The following ASMTL variants were observed in gnomAD, a reference collection of about 807,000 sequenced individuals.
ASMTL encodes the protein acetylserotonin O-methyltransferase like.
ASMTL carries 57 observed loss-of-function variants against 60.3 expected under a neutral mutation model. That is an observed-to-expected ratio of 0.95 (90% CI 0.76 to 1.18). The LOEUF is 1.18. ASMTL is among the 50% of genes most tolerant of loss of function. The pLI, the probability that ASMTL is intolerant of heterozygous loss-of-function variation, is 0.00. For missense variants in ASMTL, 981 were observed against 852.6 expected (o/e 1.15, Z -1.88); for synonymous variants, 419 against 373.0 (o/e 1.12, Z -1.42).
In ASMTL at chrX:1,427,815, A is replaced by G. The variant is rs1242614307; in HGVS notation, c.816T>C (p.Ala272=). ...AGEAGQATAE[A]ECHRTRETLP... is the part of the protein sequence containing the mutation. ...GGGTCTCCCGAGTCCTGTGACACTC[A>G]GCCTCTGCCGTGGCCTGTCCCGCCT... The change falls in exon 7 of 13, where the codon GCT becomes GCC. Residue 272 remains alanine, a synonymous_variant. Transcript: ENST00000381317. 3 of 1,612,588 alleles carry G rather than the reference A, an allele frequency of 1.9e-6. No homozygotes were observed. The African/African-American group carries it at 4.0e-5, about 22-fold the overall frequency.
chrX:1,410,269 C>G (rs1480526712), intron 12 of ASMTL, among the ~76,000 whole-genome samples: 1 of 72,320 alleles, frequency 1.4e-5, no homozygotes. Flanking sequence ...ACACTGCCCT[C>G]CAGCCAAATG....
chrX:1,437,693 C>A (rs1201230297), intron 3 of ASMTL, among the ~76,000 whole-genome samples: 3 of 151,094 alleles, frequency 2.0e-5, no homozygotes, highest in Non-Finnish European at 4.4e-5. Flanking sequence ...GTCAGGAGAT[C>A]GAGACCATCC....
At chrX:1,403,676 CAG>C (rs1305444267) in intron 12 of ASMTL, 187 bp from the exon 13 acceptor site, 20 of 608,478 alleles carry the variant, frequency 3.3e-5, no homozygotes, top group African/African-American at 2.8e-4. Flanking sequence ...GGCGGACAGA[CAG>C]GGAGAAGGAG....
At chrX:1,442,686 T>C (rs1286333555) in intron 1 of ASMTL, among the ~76,000 whole-genome samples, 5 of 152,086 alleles carry the variant, frequency 3.3e-5, no homozygotes, top group African/African-American at 1.2e-4. Flanking sequence ...CCCAGAGACC[T>C]GAAGGTTGGG....
At chrX:1,417,333 A>C (rs2090324886) in intron 11 of ASMTL, among the ~76,000 whole-genome samples, 1 of 151,834 alleles carries the variant, frequency 6.6e-6, no homozygotes, top group Admixed American at 6.6e-5. Context: ...ATGCACACAT[A>C]TATCCACACG....
At chrX:1,435,780 G>T in intron 3 of ASMTL, 22 bp from the exon 4 acceptor site, 1 of 1,610,534 alleles carries the variant, frequency 6.2e-7, no homozygotes, top group Non-Finnish European at 8.5e-7. Context: ...AGGGACAGAG[G>T]GAGTTGGTTC....
chrX:1,408,076 T>C (rs1401310567), intron 12 of ASMTL, among the ~76,000 whole-genome samples: 1 of 151,160 alleles, frequency 6.6e-6, no homozygotes, highest in Non-Finnish European at 1.5e-5. Flanking sequence ...TAACAAATGC[T>C]GGTACTCCCA....
intron 4 of ASMTL, 27 bp downstream of exon 4, chrX:1,435,667 G>C (rs1208672415): frequency 1.2e-6 from 2 of 1,612,276 alleles, no homozygotes; most frequent in South Asian, 1.1e-5. Context: ...GAACCCGAGA[G>C]GGCTCAGAGG....
At chrX:1,449,385 C>G (rs1276981509) in intron 1 of ASMTL, among the ~76,000 whole-genome samples, 1 of 151,914 alleles carries the variant, frequency 6.6e-6, no homozygotes, top group Non-Finnish European at 1.5e-5. Context: ...AGATCTCAAC[C>G]CCAGATCATA....
chrX:1,418,470 G>A (rs56380419), intron 10 of ASMTL, among the ~76,000 whole-genome samples: 19,616 of 151,946 alleles, frequency 0.13, 1,572 homozygotes, highest in Middle Eastern at 0.19. Context: ...CAGGGGTGGG[G>A]GCTGTACTCC....
intron 6 of ASMTL, among the ~76,000 whole-genome samples, chrX:1,431,574 T>C (rs1453807118): frequency 2.4e-4 from 34 of 142,436 alleles, no homozygotes; most frequent in African/African-American, 8.6e-4. Context: ...TATCTATATG[T>C]AATATAGTAT....
At chrX:1,412,607 C>T in intron 12 of ASMTL, 125 bp downstream of exon 12, 2 of 1,314,224 alleles carry the variant, frequency 1.5e-6, no homozygotes, top group Non-Finnish European at 2.2e-6. Context: ...AGGTGATCCG[C>T]CCGCCTCGGC....
chrX:1,419,505 A>G (rs1393940163), intron 9 of ASMTL, among the ~76,000 whole-genome samples: 1 of 152,106 alleles, frequency 6.6e-6, no homozygotes, highest in Non-Finnish European at 1.5e-5. Context: ...GCCCCGGCTC[A>G]GCCTTCACCA....
At chrX:1,403,899 T>G (rs1225679481) in intron 12 of ASMTL, among the ~76,000 whole-genome samples, 23 of 148,924 alleles carry the variant, frequency 1.5e-4, no homozygotes, top group Non-Finnish European at 2.4e-4. Context: ...TGGATGCATG[T>G]ATGAGATGGA....
chrX:1,437,185 C>G (rs2090988125), intron 3 of ASMTL, among the ~76,000 whole-genome samples: 2 of 152,046 alleles, frequency 1.3e-5, no homozygotes, highest in South Asian at 4.1e-4. Context: ...GGTCTGAGAT[C>G]CAGGTGTGGG....
Position 1,432,357 on chromosome X carries a change from C to T in ASMTL, c.421G>A (p.Val141Ile), listed in dbSNP as rs747598379. The stretch of plus-strand genomic sequence containing the variant: ...TTCGTTTCCTCGTAGAATTCCGAGA[C>T]CCTGGTGTCCAGCTGATGGTCTGCA... The part of the protein sequence containing the change: ...SSKDHQLDTR[V>I]SEFYEETKVK... Residue 141 changes from valine to isoleucine, a missense_variant, in exon 6 of 13, where the codon GTC becomes ATC. Transcript: ENST00000381317. 46 of 1,612,884 alleles carry T rather than the reference C, an allele frequency of 2.9e-5. No homozygotes were observed. Among genetic ancestry groups the T allele is most frequent in the Non-Finnish European group, 3.9e-5 (46 of 1,179,712 alleles).
intron 1 of ASMTL, among the ~76,000 whole-genome samples, chrX:1,445,945 A>T (rs2149346815): frequency 6.6e-6 from 1 of 152,060 alleles, no homozygotes; most frequent in Admixed American, 6.6e-5. Flanking sequence ...GGTTTAGAGA[A>T]GACTCTGCTC....
chrX:1,446,416 G>C (rs1290049203), intron 1 of ASMTL, among the ~76,000 whole-genome samples: 3 of 151,816 alleles, frequency 2.0e-5, no homozygotes, highest in African/African-American at 7.3e-5. Context: ...TCTTTGTCTT[G>C]TGTCTTTATT....
At chrX:1,446,038 G>A (rs1480733663) in intron 1 of ASMTL, among the ~76,000 whole-genome samples, 1 of 152,146 alleles carries the variant, frequency 6.6e-6, no homozygotes, top group African/African-American at 2.4e-5. Flanking sequence ...GTGGTGCTTT[G>A]CTTCAGTGGT....
Sources: allele counts gnomAD v4.1 joint callset (sites outside exome capture counted in the v4.1 genomes callset), GRCh38; gene constraint gnomAD v4.1.1; transcripts MANE v1.5; gene names NCBI Gene and HGNC (gene_info 2026-07-23, HGNC 2026-07-21).